The following ZMPSTE24 variants were observed in gnomAD, a reference collection of about 807,000 sequenced individuals.
ZMPSTE24 encodes CAAX prenyl protease 1 homolog.
A neutral mutation model predicts 56.7 loss-of-function variants in ZMPSTE24; 48 were observed. The observed-to-expected ratio is 0.85, with a 90% CI of 0.67 to 1.08. The LOEUF is 1.08. Ranked by LOEUF, ZMPSTE24 falls within the 50% of genes least tolerant of loss-of-function variation. The probability of loss-of-function intolerance (pLI) is 0.00; values close to 1 mark genes in which losing one functional copy is unlikely to be tolerated. For synonymous variants in ZMPSTE24, 172 were observed against 195.2 expected (o/e 0.88, Z 0.99); for missense variants, 503 against 548.7 (o/e 0.92, Z 0.83).
chr1:40,273,516 TA>T lies in ZMPSTE24; in HGVS notation c.769+1503del, dbSNP rs1205861105. Reference sequence around the variant, plus strand: ...TGGGCAACAAGAGCCAAATTCTGTCTAAAAAAAAAAAAAAAAAAAAAATATA... The same window carrying T: ...TGGGCAACAAGAGCCAAATTCTGTCTAAAAAAAAAAAAAAAAAAAAATATA... On this transcript the variant is annotated intron_variant, in intron 6 of 9. Coordinates refer to ENST00000372759, the MANE Select transcript of ZMPSTE24 (RefSeq NM_005857.5). Among the ~76,000 whole-genome samples the T allele has an allele frequency of 5.4e-3, 57 of 10,558 alleles. 2 individuals are homozygous for T. The highest frequency in any genetic ancestry group is 0.025 in the South Asian group (5 of 204). The allele number at this position is 10,558 out of a possible 152,430, so 6.9% of individuals were successfully genotyped here. A position where few individuals can be genotyped will look rare whatever the true frequency, so the allele number is the denominator to read the frequency against.
Position 40,286,043 on chromosome 1 carries a change from G to A in ZMPSTE24, c.1059+14G>A, listed in dbSNP as rs372244250. 9 of 1,603,658 alleles carry A rather than the reference G, an allele frequency of 5.6e-6. No homozygotes were observed. Among genetic ancestry groups the A allele is most frequent in the Non-Finnish European group, 6.8e-6 (8 of 1,170,920 alleles). Reference sequence around the variant, plus strand: ...ATTATTAGCCAGGTAAGTGTGGAGTGACAATTCTTTTTTTATGGCATGATA... The same window carrying A: ...ATTATTAGCCAGGTAAGTGTGGAGTAACAATTCTTTTTTTATGGCATGATA... On this transcript the variant is annotated intron_variant, in intron 8 of 9. Transcript: ENST00000372759.
intron 6 of ZMPSTE24, among the ~76,000 whole-genome samples, chr1:40,273,570 G>T (rs548420361): frequency 4.0e-4 from 25 of 63,268 alleles, no homozygotes; most frequent in Admixed American, 7.8e-4. Context: ...ATATATATAT[G>T]TCAGACATTT....
At chr1:40,267,683 A>T (rs1325300595) in intron 2 of ZMPSTE24, 103 bp from the exon 3 acceptor site, 5 of 965,130 alleles carry the variant, frequency 5.2e-6, no homozygotes, top group Non-Finnish European at 8.2e-6. Context: ...TTGTTTTTTT[A>T]ATAGAGATGA....
rs1255678435 is a variant in ZMPSTE24, at chr1:40,267,871, A to C, written c.356A>C (p.Glu119Ala). 1 of 1,610,442 alleles carries C rather than the reference A, an allele frequency of 6.2e-7. No individual in the cohort carries two copies. The highest frequency in any genetic ancestry group is 2.2e-5 in the East Asian group (1 of 44,836). ...CGYAGFGPEYEITQSLVFLLL... is the reference protein window; with the variant it reads ...CGYAGFGPEYAITQSLVFLLL... ...TATGCTGGCTTTGGACCAGAATATGAGGTATGTGATTCATTAGCATGTATT... is the reference window on the plus strand; with the variant it reads ...TATGCTGGCTTTGGACCAGAATATGCGGTATGTGATTCATTAGCATGTATT... Residue 119 changes from glutamate to alanine, a missense_variant and splice_region_variant, in exon 3 of 10, where the codon GAG (glutamate) becomes GCG (alanine). Physicochemically the swap from Glu to Ala is moderately radical, Grantham distance 107 (BLOSUM62 -1). Transcript: ENST00000372759.
At chr1:40,284,427 G>C (rs978758587) in intron 7 of ZMPSTE24, among the ~76,000 whole-genome samples, 1 of 151,778 alleles carries the variant, frequency 6.6e-6, no homozygotes, top group Non-Finnish European at 1.5e-5. Flanking sequence ...CATATATCTG[G>C]TAAATCCTTG....
intron 6 of ZMPSTE24, among the ~76,000 whole-genome samples, chr1:40,273,093 A>C (rs1372701807): frequency 6.6e-6 from 1 of 152,242 alleles, no homozygotes; most frequent in Non-Finnish European, 1.5e-5. Flanking sequence ...GCTCTAAAAT[A>C]AAATATTACC....
In ZMPSTE24 at chr1:40,262,010, C is replaced by G. The variant is rs891678458; in HGVS notation, c.270+1025C>G. Among the ~76,000 whole-genome samples the G allele has an allele frequency of 4.6e-5, 7 of 152,184 alleles. No homozygotes were observed. The East Asian group carries it at 1.4e-3, about 29-fold the overall frequency. ...AGTCATGAGCCACTGTGCCCTGCCA[C>G]TTTTATTTTTATCATCCTGATCATC... On this transcript the variant is annotated intron_variant, in intron 2 of 9. Transcript: ENST00000372759.
chr1:40,286,672 C>T (rs1427201024), intron 8 of ZMPSTE24, among the ~76,000 whole-genome samples: 1 of 151,122 alleles, frequency 6.6e-6, no homozygotes, highest in African/African-American at 2.4e-5. Flanking sequence ...GCACCCACCT[C>T]GGCCTCCCAA....
intron 7 of ZMPSTE24, among the ~76,000 whole-genome samples, chr1:40,282,709 A>G (rs1412041776): frequency 6.6e-6 from 1 of 152,060 alleles, no homozygotes; most frequent in African/African-American, 2.4e-5. Flanking sequence ...GCCCCACGCT[A>G]TTTTTTTGAG....
At chr1:40,269,001 G>A (rs184670234) in intron 4 of ZMPSTE24, among the ~76,000 whole-genome samples, 12 of 150,706 alleles carry the variant, frequency 8.0e-5, no homozygotes, top group Non-Finnish European at 1.3e-4. Context: ...GCGTGAACCC[G>A]GGAGGCAGAG....
At chr1:40,278,893 A>C (rs539303247) in intron 6 of ZMPSTE24, among the ~76,000 whole-genome samples, 1 of 152,350 alleles carries the variant, frequency 6.6e-6, no homozygotes, top group East Asian at 1.9e-4. Flanking sequence ...TCACACCTGT[A>C]ATCCCAGCAC....
At chr1:40,262,692 T>C (rs61779100) in intron 2 of ZMPSTE24, 8,668 of 344,138 alleles carry the variant, frequency 0.025, 624 homozygotes, top group African/African-American at 0.16. Context: ...CAAAAGCTAG[T>C]TGCTTCCAAA....
intron 7 of ZMPSTE24, 122 bp downstream of exon 7, chr1:40,281,649 C>T: frequency 9.8e-7 from 1 of 1,024,766 alleles, no homozygotes; most frequent in South Asian, 1.4e-5. Flanking sequence ...CAGATGAAAA[C>T]CATGGCTCCT....
At chr1:40,273,129 A>T (rs1371016743) in intron 6 of ZMPSTE24, among the ~76,000 whole-genome samples, 1 of 152,204 alleles carries the variant, frequency 6.6e-6, no homozygotes, top group African/African-American at 2.4e-5. Flanking sequence ...TGTTAGATGA[A>T]GGAATAGAAG....
rs1231826704 is a variant in ZMPSTE24, at chr1:40,293,682, ATTAC to A, written c.*1017_*1020del. ...GTAATTTTATCTGTAAGTCATAAAT[ATTAC>A]TTAATCAGGCCTGATTCTACTTTTG... On this transcript the variant is annotated 3_prime_UTR_variant, in exon 10 of 10. Coordinates refer to ENST00000372759, the MANE Select transcript of ZMPSTE24 (RefSeq NM_005857.5). The A allele has an allele frequency of 3.3e-5, 5 of 152,224 alleles. No individual in the cohort carries two copies. Among genetic ancestry groups the A allele is most frequent in the Non-Finnish European group, 7.3e-5 (5 of 68,044 alleles). The allele number at this position is 152,224 out of a possible 1,614,324, so 9.4% of individuals were successfully genotyped here.
At chr1:40,267,670 C>G in intron 2 of ZMPSTE24, 116 bp from the exon 3 acceptor site, 2 of 847,882 alleles carry the variant, frequency 2.4e-6, no homozygotes, top group Non-Finnish European at 2.0e-6. Context: ...GTACTGGCCT[C>G]TTTTGTTTTT....
intron 2 of ZMPSTE24, among the ~76,000 whole-genome samples, chr1:40,263,329 G>A (rs1643517243): frequency 6.6e-6 from 1 of 152,220 alleles, no homozygotes. Flanking sequence ...TATATGTATT[G>A]TTTGATGTTT....
chr1:40,267,481 C>T (rs1460440157), intron 2 of ZMPSTE24, among the ~76,000 whole-genome samples: 1 of 151,470 alleles, frequency 6.6e-6, no homozygotes, highest in South Asian at 2.1e-4. Flanking sequence ...CCTGTCACCT[C>T]AGTCCCCCAA....
chr1:40,258,643 C>G (rs1368112929), intron 1 of ZMPSTE24, among the ~76,000 whole-genome samples: 2 of 152,170 alleles, frequency 1.3e-5, no homozygotes, highest in African/African-American at 2.4e-5. Flanking sequence ...GGCTTGGGCT[C>G]TTGTGCCCTC....
Sources: gnomAD v4.1 joint callset for allele counts (sites outside exome capture counted in the v4.1 genomes callset) on GRCh38, gnomAD v4.1.1 for gene constraint, MANE v1.5 for transcripts, NCBI Gene and HGNC (gene_info 2026-07-23, HGNC 2026-07-21) for gene names.